CTBP1: variants seen among roughly 807,000 people sequenced by gnomAD.
CTBP1 encodes the protein C-terminal binding protein 1, also known as C-terminal-binding protein 1.
Under a neutral mutation model 42.1 loss-of-function variants are expected in CTBP1, and 11 were observed. That is an observed-to-expected ratio of 0.26 (90% confidence interval 0.16 to 0.43). The LOEUF is 0.43. CTBP1 is among the 20% of genes least tolerant of loss of function. The pLI, the probability that CTBP1 is intolerant of heterozygous loss-of-function variation, is 1.00. For missense variants in CTBP1, 399 were observed against 624.3 expected, an observed-to-expected ratio of 0.64 and a Z score of 3.85; for synonymous variants, 324 against 277.1, an observed-to-expected ratio of 1.17 and a Z score of -1.68.
At chr4:1,234,346 C>T (rs922183864) in intron 3 of CTBP1, among the ~76,000 whole-genome samples, 5 of 152,196 alleles carry the variant, frequency 3.3e-5, no homozygotes, top group Admixed American at 6.5e-5. Context: ...TCTGTGGCGC[C>T]GGCTCTGCTT....
intron 2 of CTBP1, among the ~76,000 whole-genome samples, chr4:1,240,632 G>A (rs1732075871): frequency 6.6e-6 from 1 of 151,480 alleles, no homozygotes; most frequent in African/African-American, 2.4e-5. Flanking sequence ...GGGGACTCCC[G>A]GGTGCTGGGT....
At chr4:1,249,883 G>A (rs1371062100), upstream of CTBP1, 1 of 186,370 alleles carries the variant, frequency 5.4e-6, no homozygotes, top group African/African-American at 2.4e-5. Context: ...TAATATCAAA[G>A]CCCTGCCTGC....
At chr4:1,229,797 AGAT>A (rs1730770024) in intron 3 of CTBP1, among the ~76,000 whole-genome samples, 1 of 152,164 alleles carries the variant, frequency 6.6e-6, no homozygotes, top group Admixed American at 6.5e-5. Flanking sequence ...TAGCCAGAAC[AGAT>A]GATTCCCTTT....
intron 1 of CTBP1, chr4:1,244,423 T>A: frequency 1.0e-5 from 10 of 984,706 alleles, no homozygotes; most frequent in Non-Finnish European, 1.2e-5. Context: ...CTACCCCTGT[T>A]CCTTCCCCAG....
At chr4:1,245,540 G>A in intron 1 of CTBP1, 3 of 983,824 alleles carry the variant, frequency 3.0e-6, no homozygotes, top group South Asian at 9.4e-5. Context: ...ACCACAGACG[G>A]GCGGCAGGTC....
chr4:1,227,982 C>G (rs888882427), intron 4 of CTBP1, among the ~76,000 whole-genome samples: 2 of 152,210 alleles, frequency 1.3e-5, no homozygotes, highest in African/African-American at 4.8e-5. Flanking sequence ...GGATTTCCTG[C>G]TGCCCAAAAG....
In CTBP1 at chr4:1,212,320, C is replaced by T. The variant is rs1221473441; in HGVS notation, c.1210G>A (p.Ala404Thr). 3 of 1,516,580 alleles carry T rather than the reference C, an allele frequency of 2.0e-6. No individual in the cohort carries two copies. Among genetic ancestry groups the T allele is most frequent in the Middle Eastern group, 1.9e-4 (1 of 5,314 alleles). 93.9% of individuals were successfully genotyped at this position (1,516,580 alleles called of 1,614,324 possible). A position where few individuals can be genotyped will look rare whatever the true frequency, so the allele number is the denominator to read the frequency against. ...MSLSHGLPPV[A>T]HPPHAPSPGQ... ...GGAGAAGGGGCGTGGGGCGGGTGGG[C>T]CACAGGGGGCAGGCCGTGGGACAGG... Residue 404 changes from alanine to threonine, a missense_variant, in exon 10 of 10, where the codon GCC becomes ACC. By Grantham distance (58) the Ala-to-Thr change is moderately conservative. This residue lies in a region of CTBP1 where 60 missense variants were observed against 46.5 expected (regional missense o/e 1.29). Transcript: ENST00000382952.
intron 5 of CTBP1, among the ~76,000 whole-genome samples, chr4:1,221,252 C>A (rs1729702395): frequency 6.6e-6 from 1 of 152,188 alleles, no homozygotes; most frequent in African/African-American, 2.4e-5. Flanking sequence ...TAAAATATCA[C>A]AAAATACCTG....
intron 4 of CTBP1, among the ~76,000 whole-genome samples, chr4:1,227,809 A>G (rs893548394): frequency 5.3e-5 from 8 of 152,200 alleles, no homozygotes; most frequent in Non-Finnish European, 1.0e-4. Context: ...GTGCACACGT[A>G]CTGGGTTGCA....
At position 1,233,985 on chromosome 4, in the gene CTBP1, C is replaced by T. The variant is rs1577059881; in HGVS notation, c.162+4198G>A. On this transcript the variant is annotated intron_variant, in intron 3 of 9. Coordinates refer to ENST00000382952, the MANE Select transcript of CTBP1 (RefSeq NM_001012614.2). The surrounding 1 kb of genome is among the most constrained non-coding windows in gnomAD (Gnocchi z 4.6). Reference sequence around the variant, plus strand: ...CCTTGTTGCTCCACGGTTCCCAGCACGTGGCTCCCCTCACAGTCCAAGGTG... The same window carrying T: ...CCTTGTTGCTCCACGGTTCCCAGCATGTGGCTCCCCTCACAGTCCAAGGTG... 6.6e-6 allele frequency among the ~76,000 whole-genome samples: 1 copy of T among 152,224 alleles called. No homozygotes were observed. The highest frequency in any genetic ancestry group is 6.5e-5 in the Admixed American group (1 of 15,282).
In CTBP1 at chr4:1,248,033, G is replaced by A. The variant is rs555843807; in HGVS notation, c.-189+883C>T. 2.1e-4 allele frequency among the ~76,000 whole-genome samples: 32 copies of A among 152,366 alleles called. No individual in the cohort carries two copies. The East Asian group carries it at 2.5e-3, about 12-fold the overall frequency. ...GAGAACGCTCCAGTCTCGGCCCGGGGCTCAGGCGCACGGACTCTGCCTTTG... is the reference window on the plus strand; with the variant it reads ...GAGAACGCTCCAGTCTCGGCCCGGGACTCAGGCGCACGGACTCTGCCTTTG... On this transcript the variant is annotated intron_variant, in intron 1 of 9. Transcript: ENST00000382952.
chr4:1,228,438 G>A (rs1730615284), intron 3 of CTBP1, 95 bp from the exon 4 acceptor site: 2 of 1,468,682 alleles, frequency 1.4e-6, no homozygotes, highest in African/African-American at 1.4e-5. Context: ...AAATTAGCCT[G>A]TGGCCCTCAG....
intron 3 of CTBP1, chr4:1,236,265 A>G: frequency 4.3e-6 from 1 of 230,148 alleles, no homozygotes. Flanking sequence ...CCCTGGCTAC[A>G]AGTAGAAGCC....
At position 1,238,017 on chromosome 4, in the gene CTBP1, G is replaced by T. The variant is rs771182965; in HGVS notation, c.162+166C>A. On this transcript the variant is annotated intron_variant, in intron 3 of 9. Transcript: ENST00000382952. This position sits in a 1 kb window ranked among gnomAD's most constrained non-coding sequence, Gnocchi z 5.9. ...ATGTCCACCTCCTGATGGTGTCCAG[G>T]GAAAACCCCGTGTCCACCTCCTGAC... The T allele has an allele frequency of 1.1e-6, 1 of 901,228 alleles. No individual in the cohort carries two copies. Among genetic ancestry groups the T allele is most frequent in the African/African-American group, 1.6e-5 (1 of 60,992 alleles). 55.8% of individuals were successfully genotyped at this position (901,228 alleles called of 1,614,324 possible). A position where few individuals can be genotyped will look rare whatever the true frequency, so the allele number is the denominator to read the frequency against.
chr4:1,212,975 G>A lies in CTBP1; in HGVS notation c.1044C>T (p.Ala348=), dbSNP rs528659787. ...NCVNKDHLTA[A]THWASMDPAV... is the part of the protein sequence containing the mutation. ...CGGGGTCCATGCTGGCCCAGTGGGT[G>A]GCGGCTGTCAGATGGTCCTTGTTGA... The change falls in exon 9 of 10, where the codon GCC becomes GCT. Residue 348 remains alanine (A), a synonymous_variant. Transcript: ENST00000382952. 62 of 1,613,930 alleles carry A rather than the reference G, an allele frequency of 3.8e-5. No individual in the cohort carries two copies. In the Middle Eastern group the frequency reaches 8.2e-4, roughly 21 times the overall value.
Position 1,245,348 on chromosome 4 carries a change from C to A in CTBP1, c.-189+3568G>T, listed in dbSNP as rs962333758. ...TTGTTCAGCGAGCACATGCACACAA[C>A]CTGTGAGCTCCAGGAACCCCCAGAA... is the stretch of plus-strand genomic sequence containing the variant. On this transcript the variant is annotated intron_variant, in intron 1 of 9. Coordinates refer to ENST00000382952, the MANE Select transcript of CTBP1 (RefSeq NM_001012614.2). 10 of 985,334 alleles carry A rather than the reference C, an allele frequency of 1.0e-5. No homozygotes were observed. The Admixed American group carries it at 4.3e-4, about 42-fold the overall frequency. 61.0% of individuals were successfully genotyped at this position (985,334 alleles called of 1,614,324 possible).
At position 1,241,928 on chromosome 4, in the gene CTBP1, A is replaced by G. The variant is rs542023359; in HGVS notation, c.-188-409T>C. The G allele has an allele frequency of 4.5e-4, 463 of 1,038,034 alleles. 1 individual carries two copies. In the African/African-American group the frequency reaches 7.3e-3, roughly 16 times the overall value. The allele number at this position is 1,038,034 out of a possible 1,614,324, so 64.3% of individuals were successfully genotyped here. On this transcript the variant is annotated intron_variant, in intron 1 of 9. Coordinates refer to ENST00000382952, the MANE Select transcript of CTBP1 (RefSeq NM_001012614.2). ...TCTGCCTCCTGTTCTGGAAGCTTCT[A>G]TCTCATGTCACTGATTCCCGGGCCT...
chr4:1,249,923 C>T, upstream of CTBP1: 4 of 184,906 alleles, frequency 2.2e-5, no homozygotes, highest in South Asian at 2.5e-4. Context: ...CGGGAGGGCC[C>T]GAAAGTCCCT....
At chr4:1,245,570 C>G (rs975595539) in intron 1 of CTBP1, 1 of 982,440 alleles carries the variant, frequency 1.0e-6, no homozygotes. Context: ...CAGGAGGGCA[C>G]GGTGACACGG....
Sources: gnomAD v4.1 joint callset for allele counts (sites outside exome capture counted in the v4.1 genomes callset) on GRCh38, gnomAD v4.1.1 for gene constraint, gnomAD v4.1.1 regional missense constraint, Gnocchi (gnomAD v3.1) non-coding constraint, MANE v1.5 for transcripts, NCBI Gene and HGNC (gene_info 2026-07-23, HGNC 2026-07-21) for gene names.